Variants in CDH18 observed in about 807,000 individuals in gnomAD.
The protein encoded by CDH18 is cadherin-18.
Under a neutral mutation model 67.9 loss-of-function variants are expected in CDH18, and 31 were observed. That is an observed-to-expected ratio of 0.46 (90% CI 0.34 to 0.62). The LOEUF (loss-of-function observed/expected upper bound fraction) is 0.62, where lower values mean the gene tolerates loss of function less well. Among genes scored for constraint, CDH18 ranks in the 20% least tolerant of loss-of-function variants. The probability of loss-of-function intolerance (pLI) is 0.01; values close to 1 mark genes in which losing one functional copy is unlikely to be tolerated. For synonymous variants in CDH18, 362 were observed against 347.2 expected, an observed-to-expected ratio of 1.04 and a Z score of -0.48; for missense variants, 890 against 975.5, an observed-to-expected ratio of 0.91 and a Z score of 1.17.
intron 2 of CDH18, among the ~76,000 whole-genome samples, chr5:20,188,848 C>CA (rs11390844): frequency 0.12 from 14,793 of 125,062 alleles, 977 homozygotes; most frequent in Admixed American, 0.19. Context: ...ATTTTCTAGG[C>CA]AAAAAAAAAA....
chr5:20,361,857 T>A (rs1742114764), intron 1 of CDH18, among the ~76,000 whole-genome samples: 1 of 152,152 alleles, frequency 6.6e-6, no homozygotes, highest in Admixed American at 6.6e-5. Context: ...AAATTTTAAA[T>A]ATGTTTCATA....
intron 5 of CDH18, among the ~76,000 whole-genome samples, chr5:19,711,418 A>T (rs755777125): frequency 3.9e-5 from 6 of 152,048 alleles, no homozygotes; most frequent in Non-Finnish European, 8.8e-5. Context: ...AACAACAACA[A>T]CAACAAACAA....
intron 5 of CDH18, among the ~76,000 whole-genome samples, chr5:19,708,652 A>G (rs541085000): frequency 9.2e-4 from 140 of 152,322 alleles, no homozygotes; most frequent in African/African-American, 3.3e-3. Flanking sequence ...GCGTTCCTGA[A>G]CCACAAACAA....
At chr5:20,238,170 C>A (rs1053446262) in intron 2 of CDH18, among the ~76,000 whole-genome samples, 3 of 151,842 alleles carry the variant, frequency 2.0e-5, no homozygotes, top group African/African-American at 7.2e-5. Context: ...TCAACCCTCC[C>A]ACAATAAAAC....
At chr5:19,850,077 C>A (rs1302447699) in intron 2 of CDH18, among the ~76,000 whole-genome samples, 1 of 151,738 alleles carries the variant, frequency 6.6e-6, no homozygotes, top group African/African-American at 2.4e-5. Flanking sequence ...CAAAAAATTT[C>A]AGTTCCCTGA....
chr5:19,906,581 T>G (rs17289251), intron 2 of CDH18, among the ~76,000 whole-genome samples: 1 of 151,642 alleles, frequency 6.6e-6, no homozygotes, highest in African/African-American at 2.4e-5. Flanking sequence ...CGCATCAAAA[T>G]GAAGGACCCA....
intron 4 of CDH18, among the ~76,000 whole-genome samples, chr5:19,738,412 CTTA>C (rs1472727651): frequency 6.6e-6 from 1 of 152,096 alleles, no homozygotes; most frequent in African/African-American, 2.4e-5. Flanking sequence ...AATAATTTCA[CTTA>C]TTATATTTTT....
At chr5:20,433,519 A>G (rs1179674607) in intron 1 of CDH18, among the ~76,000 whole-genome samples, 2 of 152,056 alleles carry the variant, frequency 1.3e-5, no homozygotes, top group Non-Finnish European at 2.9e-5. Flanking sequence ...GTCTGAGGAG[A>G]AGAGGAGTAG....
At chr5:20,508,472 T>C (rs1355853445) in intron 1 of CDH18, among the ~76,000 whole-genome samples, 1 of 150,950 alleles carries the variant, frequency 6.6e-6, no homozygotes, top group African/African-American at 2.4e-5. Flanking sequence ...GACTCAAGTA[T>C]AATTAAGTAG....
intron 2 of CDH18, among the ~76,000 whole-genome samples, chr5:20,134,587 G>A (rs139709779): frequency 0.01 from 1,562 of 152,198 alleles, 11 homozygotes; most frequent in Non-Finnish European, 0.014. Context: ...GGTCCCTTCC[G>A]TGACATGTGA....
chr5:20,430,307 A>T lies in CDH18; in HGVS notation c.-580+145155T>A, dbSNP rs556384304. Among the ~76,000 whole-genome samples the T allele has an allele frequency of 1.2e-4, 19 of 152,286 alleles. No individual in the cohort carries two copies. In the South Asian group the frequency reaches 3.5e-3, roughly 28 times the overall value. On this transcript the variant is annotated intron_variant, in intron 1 of 14. Transcript: ENST00000507958. ...CGGACACATCAGCCACTTTGCACAC[A>T]TTGACTCCAGCTGTTTTCATCATGT...
chr5:19,992,593 A>T (rs909378545), upstream of CDH18, among the ~76,000 whole-genome samples: 5 of 152,154 alleles, frequency 3.3e-5, no homozygotes, highest in Admixed American at 3.3e-4. Flanking sequence ...TATTGAACTA[A>T]ATGTGGAAAG....
chr5:20,035,090 C>T (rs1469659379), intron 2 of CDH18, among the ~76,000 whole-genome samples: 1 of 151,972 alleles, frequency 6.6e-6, no homozygotes, highest in Non-Finnish European at 1.5e-5. Context: ...GGAGGAAGAG[C>T]CTCTGTCATC....
intron 1 of CDH18, among the ~76,000 whole-genome samples, chr5:20,403,751 C>A (rs1219120321): frequency 6.6e-6 from 1 of 152,174 alleles, no homozygotes; most frequent in African/African-American, 2.4e-5. Context: ...TTGGAATTTT[C>A]AGAATGGCAA....
chr5:19,483,505 C>T lies in CDH18; in HGVS notation c.1678G>A (p.Val560Ile). ...LTRRRRFSRT[V>I]QDVYYLPIMI... ...ATGGGCAGATAATACACATCCTGAA[C>T]AGTTCGACTAAATCTCCTCCGCCTT... Residue 560 changes from valine (V) to isoleucine (I), a missense_variant, in exon 12 of 13, where the codon GTT becomes ATT. Physicochemically the swap from Val to Ile is conservative, Grantham distance 29. Coordinates refer to ENST00000382275, the MANE Select transcript of CDH18 (RefSeq NM_004934.5). 2 of 1,613,916 alleles carry T rather than the reference C, an allele frequency of 1.2e-6. No individual in the cohort carries two copies. The highest frequency in any genetic ancestry group is 2.2e-5 in the East Asian group (1 of 44,862).
At chr5:19,663,211 T>A (rs777213331) in intron 5 of CDH18, among the ~76,000 whole-genome samples, 1 of 151,982 alleles carries the variant, frequency 6.6e-6, no homozygotes, top group Non-Finnish European at 1.5e-5. Flanking sequence ...CAGAATTTTA[T>A]CACAGGAAAA....
intron 7 of CDH18, among the ~76,000 whole-genome samples, chr5:19,575,519 A>G (rs558395000): frequency 3.9e-5 from 6 of 152,348 alleles, no homozygotes; most frequent in African/African-American, 1.4e-4. Context: ...TTATTTGTCT[A>G]TCCCTCAACT....
intron 2 of CDH18, among the ~76,000 whole-genome samples, chr5:20,134,264 C>T (rs1749511207): frequency 1.3e-5 from 2 of 152,180 alleles, no homozygotes; most frequent in Non-Finnish European, 1.5e-5. Flanking sequence ...ATGTGAGTCA[C>T]CATGCCCAGC....
At chr5:20,295,922 A>C (rs1747468517) in intron 1 of CDH18, among the ~76,000 whole-genome samples, 2 of 123,884 alleles carry the variant, frequency 1.6e-5, no homozygotes, top group South Asian at 2.6e-4. Context: ...TCCAGGCTGG[A>C]GTGCAGTGGC....
Sources: allele counts gnomAD v4.1 joint callset (sites outside exome capture counted in the v4.1 genomes callset), GRCh38; gene constraint gnomAD v4.1.1; transcripts MANE v1.5; gene names NCBI Gene and HGNC (gene_info 2026-07-23, HGNC 2026-07-21).